ZBED3: variants seen among roughly 807,000 people sequenced by gnomAD.
ZBED3 encodes the protein zinc finger BED domain-containing protein 3.
For synonymous variants in ZBED3, 175 were observed against 180.0 expected, an observed-to-expected ratio of 0.97 and a Z score of 0.22; for missense variants, 388 against 362.9, an observed-to-expected ratio of 1.07 and a Z score of -0.56.
At chr5:77,079,557 A>G (rs1580147179) in intron 1 of ZBED3, among the ~76,000 whole-genome samples, 3 of 152,308 alleles carry the variant, frequency 2.0e-5, no homozygotes, top group South Asian at 4.2e-4. Context: ...GACATTTAAC[A>G]TATCATTTTT....
rs983052730 is a variant in ZBED3, at chr5:77,075,367, T to C, written c.*1807A>G. ...TATGAACCTTGATGGGACCTGGTTG[T>C]TGTCGTTGTTTTTAAAGACAAACAT... On this transcript the variant is annotated 3_prime_UTR_variant, in exon 3 of 3. Transcript: ENST00000255198. 3 of 152,226 alleles carry C rather than the reference T, an allele frequency of 2.0e-5. No homozygotes were observed. Among genetic ancestry groups the C allele is most frequent in the Non-Finnish European group, 4.4e-5 (3 of 68,050 alleles). 9.4% of individuals were successfully genotyped at this position (152,226 alleles called of 1,614,324 possible).
rs1192729612 is a variant in ZBED3 at position 77,076,689 on chromosome 5, T to TC, written c.*484dup. The stretch of plus-strand genomic sequence containing the variant: ...GTTGGGCAGATTATGCATTAGGAAC[T>TC]CTTTTTTTTTTTTTTTTGGGTAAAA... On this transcript the variant is annotated 3_prime_UTR_variant, in exon 3 of 3. Transcript: ENST00000255198. The TC allele has an allele frequency of 4.7e-5, 4 of 85,806 alleles. No individual in the cohort carries two copies. Among genetic ancestry groups the TC allele is most frequent in the African/African-American group, 1.5e-4 (4 of 26,610 alleles). The allele number at this position is 85,806 out of a possible 1,614,324, so 5.3% of individuals were successfully genotyped here.
rs1415887527 is a variant in ZBED3, at chr5:77,073,491, T to TTGTA, written c.*3682_*3683insTACA. On this transcript the variant is annotated 3_prime_UTR_variant, in exon 3 of 3. Transcript: ENST00000255198. ...TATTAAAATGTTAATTAATAGCAGT[T>TTGTA]TTACAGAGGTGACAGGATTTTGGGG... The TTGTA allele has an allele frequency of 1.6e-4, 24 of 152,186 alleles. No individual in the cohort carries two copies. The highest frequency in any genetic ancestry group is 1.2e-4 in the Non-Finnish European group (8 of 68,038). 9.4% of individuals were successfully genotyped at this position (152,186 alleles called of 1,614,324 possible).
chr5:77,079,952 T>C, intron 1 of ZBED3, among the ~76,000 whole-genome samples: 1 of 152,242 alleles, frequency 6.6e-6, no homozygotes, highest in Non-Finnish European at 1.5e-5. Context: ...TTTTTTCTTT[T>C]TTAAAATTTC....
At position 77,077,824 on chromosome 5, in the gene ZBED3, C is replaced by G. The variant is rs911534498; in HGVS notation, c.55G>C (p.Ala19Pro). 3.9e-6 allele frequency: 5 copies of G among 1,295,050 alleles called. No individual in the cohort carries two copies. Among genetic ancestry groups the G allele is most frequent in the Non-Finnish European group, 4.9e-6 (5 of 1,027,170 alleles). 80.2% of individuals were successfully genotyped at this position (1,295,050 alleles called of 1,614,324 possible). Residue 19 changes from alanine (A) to proline (P), a missense_variant, in exon 3 of 3, where the codon GCG becomes CCG. Coordinates refer to ENST00000255198, the MANE Select transcript of ZBED3 (RefSeq NM_032367.4). ...GGACACTGACCGCCCCGCGCCGCCG[C>G]GTCGTCCAGCCCGCGGGCCTGGTCC... is the stretch of plus-strand genomic sequence containing the variant. ...TMDQARGLDD[A>P]AARGGQCPGL...
In ZBED3 at chr5:77,078,018, GTAGA is replaced by G. The variant is rs1183582777; in HGVS notation, c.-17-127_-17-124del. The G allele has an allele frequency of 1.2e-5, 8 of 643,984 alleles. No homozygotes were observed. In the Admixed American group the frequency reaches 1.8e-4, roughly 14 times the overall value. The allele number at this position is 643,984 out of a possible 1,614,324, so 39.9% of individuals were successfully genotyped here. A position where few individuals can be genotyped will look rare whatever the true frequency, so the allele number is the denominator to read the frequency against. The stretch of plus-strand genomic sequence containing the variant: ...TACCGATGAAAAGCCTATAGTGTGT[GTAGA>G]TAGTCTAAGTTTCTTTCTAATTAAT... On this transcript the variant is annotated intron_variant, in intron 2 of 2. Transcript: ENST00000255198.
Position 77,073,301 on chromosome 5 carries a change from A to G in ZBED3, c.*3873T>C, listed in dbSNP as rs191436843. ...TTCCTATGTTTTAATGGTTCTTACA[A>G]TTGGTGAGATAGAAGAGTAACATTT... On this transcript the variant is annotated 3_prime_UTR_variant, in exon 3 of 3. Coordinates refer to ENST00000255198, the MANE Select transcript of ZBED3 (RefSeq NM_032367.4). The G allele has an allele frequency of 2.0e-4, 31 of 152,252 alleles. No individual in the cohort carries two copies. The highest frequency in any genetic ancestry group is 6.7e-4 in the African/African-American group (28 of 41,530). The allele number at this position is 152,252 out of a possible 1,614,324, so 9.4% of individuals were successfully genotyped here. A position where few individuals can be genotyped will look rare whatever the true frequency, so the allele number is the denominator to read the frequency against.
chr5:77,079,200 CAAT>C (rs1743081942), intron 1 of ZBED3: 2 of 152,128 alleles, frequency 1.3e-5, no homozygotes, highest in African/African-American at 4.8e-5. Context: ...AGTTGAAAAA[CAAT>C]GAGAAGAAAA....
At position 77,081,356 on chromosome 5, in the gene ZBED3, A is replaced by T. The variant is rs142921988; in HGVS notation, c.-152-2628T>A. On this transcript the variant is annotated intron_variant, in intron 1 of 2. Coordinates refer to ENST00000255198, the MANE Select transcript of ZBED3 (RefSeq NM_032367.4). ...TTTCTTTCTTTTTTTTTTTTTTTTA[A>T]TTTTTTTTAAGACAGGGTCTTGCTC... Among the ~76,000 whole-genome samples the T allele has an allele frequency of 7.9e-3, 975 of 123,108 alleles. 6 individuals are homozygous for T. Among genetic ancestry groups the T allele is most frequent in the African/African-American group, 0.026 (840 of 32,820 alleles). The allele number at this position is 123,108 out of a possible 152,430, so 80.8% of individuals were successfully genotyped here.
rs1450536143 is a variant in ZBED3, at chr5:77,077,347, C to T, written c.532G>A (p.Ala178Thr). ...TGCAGTTCCCGGCGCGCCTGGGCCG[C>T]GGCGCGCTCTTCCTCCTGCAGCGCC... ...RRALQEEERA[A>T]AQARRELQAE... The change falls in exon 3 of 3, where the codon GCG becomes ACG. Residue 178 changes from alanine to threonine, a missense_variant. Physicochemically the swap from Ala to Thr is moderately conservative, Grantham distance 58 (BLOSUM62 0). Coordinates refer to ENST00000255198, the MANE Select transcript of ZBED3 (RefSeq NM_032367.4). 3.3e-5 allele frequency: 41 copies of T among 1,254,450 alleles called. No individual in the cohort carries two copies. Among genetic ancestry groups the T allele is most frequent in the Non-Finnish European group, 3.8e-5 (38 of 1,004,862 alleles). 77.7% of individuals were successfully genotyped at this position (1,254,450 alleles called of 1,614,324 possible). A position where few individuals can be genotyped will look rare whatever the true frequency, so the allele number is the denominator to read the frequency against.
intron 1 of ZBED3, 94 bp from the exon 2 acceptor site, chr5:77,078,822 C>T (rs187947030): frequency 2.0e-5 from 3 of 152,314 alleles, no homozygotes; most frequent in Non-Finnish European, 1.5e-5. Flanking sequence ...CAGCGCCATG[C>T]CCTGGTTCAC....
At chr5:77,084,579 G>A (rs956700326) in intron 1 of ZBED3, among the ~76,000 whole-genome samples, 5 of 152,088 alleles carry the variant, frequency 3.3e-5, no homozygotes, top group East Asian at 1.9e-4. Context: ...TCAGCAGCGC[G>A]AAAACAGATT....
chr5:77,084,118 G>A (rs181463983), intron 1 of ZBED3, among the ~76,000 whole-genome samples: 6 of 152,298 alleles, frequency 3.9e-5, no homozygotes, highest in Non-Finnish European at 7.3e-5. Context: ...GGTCAGGTGC[G>A]TGCTTTCTGC....
Position 77,077,413 on chromosome 5 carries a change from C to A in ZBED3, c.466G>T (p.Ala156Ser). Residue 156 changes from alanine to serine, a missense_variant, in exon 3 of 3, where the codon GCC becomes TCC. Coordinates refer to ENST00000255198, the MANE Select transcript of ZBED3 (RefSeq NM_032367.4). ...AGGGCGCGCTCGCCCTGCTCCACGG[C>A]CAGCTCGCGCCGCTCCAGCTCCCGC... ...RERELERREL[A>S]VEQGERALER... is the part of the protein sequence containing the mutation. The A allele has an allele frequency of 1.6e-6, 2 of 1,239,226 alleles. No homozygotes were observed. Among genetic ancestry groups the A allele is most frequent in the South Asian group, 2.8e-5 (1 of 36,304 alleles). 76.8% of individuals were successfully genotyped at this position (1,239,226 alleles called of 1,614,324 possible).
intron 1 of ZBED3, chr5:77,079,044 T>G (rs1191871857): frequency 6.6e-6 from 1 of 152,210 alleles, no homozygotes; most frequent in African/African-American, 2.4e-5. Context: ...TGCAATGTCA[T>G]TGCACAGTCT....
intron 1 of ZBED3, among the ~76,000 whole-genome samples, chr5:77,082,730 C>T (rs896166974): frequency 3.3e-5 from 5 of 152,078 alleles, no homozygotes; most frequent in Non-Finnish European, 4.4e-5. Flanking sequence ...GAGGTAAACA[C>T]AAAAGTAAAA....
rs1742931518 is a variant in ZBED3 at position 77,074,145 on chromosome 5, G to GCAGGA, written c.*3028_*3029insTCCTG. 6.6e-6 allele frequency: 1 copy of GCAGGA among 152,264 alleles called. No homozygotes were observed. Among genetic ancestry groups the GCAGGA allele is most frequent in the Non-Finnish European group, 1.5e-5 (1 of 68,086 alleles). 9.4% of individuals were successfully genotyped at this position (152,264 alleles called of 1,614,324 possible). A position where few individuals can be genotyped will look rare whatever the true frequency, so the allele number is the denominator to read the frequency against. On this transcript the variant is annotated 3_prime_UTR_variant, in exon 3 of 3. Coordinates refer to ENST00000255198, the MANE Select transcript of ZBED3 (RefSeq NM_032367.4). ...AATTTGGCTGCAGGATAGGGCATAT[G>GCAGGA]TAGGGGAGGGGATAAGACTGGCATG...
rs11741594 is a variant in ZBED3, at chr5:77,075,989, A to G, written c.*1185T>C. The G allele has an allele frequency of 1.6e-3, 74 of 47,272 alleles. 10 individuals are homozygous for G. The highest frequency in any genetic ancestry group is 7.8e-3 in the East Asian group (17 of 2,182). The allele number at this position is 47,272 out of a possible 1,614,324, so 2.9% of individuals were successfully genotyped here. A position where few individuals can be genotyped will look rare whatever the true frequency, so the allele number is the denominator to read the frequency against. On this transcript the variant is annotated 3_prime_UTR_variant, in exon 3 of 3. Transcript: ENST00000255198. ...TATGTATATGTATATATGTATATAT[A>G]TATGTATATATGTATATATATATGT...
chr5:77,086,351 C>G (rs2150743670), intron 1 of ZBED3, among the ~76,000 whole-genome samples: 1 of 151,562 alleles, frequency 6.6e-6, no homozygotes, highest in East Asian at 1.9e-4. Flanking sequence ...TCTTGGCTGC[C>G]TCAAGCTATT....
Sources: gnomAD v4.1 joint callset for allele counts (sites outside exome capture counted in the v4.1 genomes callset) on GRCh38, gnomAD v4.1.1 for gene constraint, MANE v1.5 for transcripts, NCBI Gene and HGNC (gene_info 2026-07-23, HGNC 2026-07-21) for gene names.